The following SSU72L1 variants were observed in gnomAD, a reference collection of about 807,000 sequenced individuals.
SSU72L1 encodes SSU72 like 1.
chr11:4,339,333 C>G, the SSU72L1 span: 3 of 523,286 alleles, frequency 5.7e-6, no homozygotes, highest in African/African-American at 3.9e-5. Flanking sequence ...ATATCCAGGT[C>G]TTCCAAACGA....
chr11:4,338,663 G>A, the SSU72L1 span: 1 of 610,096 alleles, frequency 1.6e-6, no homozygotes, highest in East Asian at 2.7e-5. Flanking sequence ...CAGGTGTTCA[G>A]TAGAAGCAGA....
chr11:4,339,317 C>T, the SSU72L1 span: 3 of 535,062 alleles, frequency 5.6e-6, no homozygotes, highest in Non-Finnish European at 1.0e-5. Flanking sequence ...GAGGAGACGA[C>T]CACCTATATC....
the SSU72L1 span, chr11:4,338,733 T>C: frequency 0.02 from 14,724 of 745,624 alleles, 2 homozygotes; most frequent in Non-Finnish European, 0.023. Context: ...CTCTTCCAGA[T>C]TGTCTTCCAT....
the SSU72L1 span, chr11:4,338,572 T>C: frequency 2.1e-5 from 12 of 580,734 alleles, 1 homozygote; most frequent in Admixed American, 6.0e-5. Flanking sequence ...CAGTGGAAGG[T>C]CTTTGCAGAT....
the SSU72L1 span, chr11:4,338,643 A>T: frequency 7.0e-6 from 4 of 575,328 alleles, no homozygotes; most frequent in Non-Finnish European, 1.3e-5. Flanking sequence ...GGAAGGGGAC[A>T]AAGCCAGCCC....
At chr11:4,338,558 T>C in the SSU72L1 span, 5 of 576,494 alleles carry the variant, frequency 8.7e-6, no homozygotes, top group Admixed American at 1.6e-4. Context: ...ACACAAACAG[T>C]ACTCAGTGGA....
chr11:4,338,710 T>C, the SSU72L1 span: 1 of 738,394 alleles, frequency 1.4e-6, no homozygotes, highest in Non-Finnish European at 2.5e-6. Context: ...TTCTCCTCCA[T>C]TTGCAACAGC....
chr11:4,338,646 G>A, the SSU72L1 span: 1 of 577,048 alleles, frequency 1.7e-6, no homozygotes, highest in Admixed American at 2.7e-5. Flanking sequence ...AGGGGACAAA[G>A]CCAGCCCAGG....
the SSU72L1 span, chr11:4,338,528 AG>A: frequency 1.8e-6 from 1 of 555,318 alleles, no homozygotes. Context: ...GTCTCTTTCC[AG>A]GTGATGTGTA....
chr11:4,338,407 G>A, the SSU72L1 span, among the ~76,000 whole-genome samples: 1 of 152,044 alleles, frequency 6.6e-6, no homozygotes, highest in Non-Finnish European at 1.5e-5. Context: ...AATGATATAA[G>A]CATGAAATTA....
chr11:4,338,650 G>C, the SSU72L1 span: 2 of 584,448 alleles, frequency 3.4e-6, no homozygotes, highest in Non-Finnish European at 6.2e-6. Context: ...GACAAAGCCA[G>C]CCCAGGTGTT....
chr11:4,338,709 A>C, the SSU72L1 span: 1 of 737,432 alleles, frequency 1.4e-6, no homozygotes, highest in Non-Finnish European at 2.5e-6. Flanking sequence ...CTTCTCCTCC[A>C]TTTGCAACAG....
chr11:4,338,441 C>T, the SSU72L1 span, among the ~76,000 whole-genome samples: 16,216 of 135,228 alleles, frequency 0.12, 5 homozygotes, highest in East Asian at 0.18. Flanking sequence ...ATGCACCTAG[C>T]ACAATGCCAA....
At chr11:4,338,470 A>T in the SSU72L1 span, among the ~76,000 whole-genome samples, 1 of 152,230 alleles carries the variant, frequency 6.6e-6, no homozygotes, top group African/African-American at 2.4e-5. Flanking sequence ...CAGTGCTTTT[A>T]AAAATGTTAG....
the SSU72L1 span, chr11:4,338,651 C>T: frequency 1.7e-6 from 1 of 584,162 alleles, no homozygotes; most frequent in East Asian, 2.7e-5. Flanking sequence ...ACAAAGCCAG[C>T]CCAGGTGTTC....
the SSU72L1 span, among the ~76,000 whole-genome samples, chr11:4,338,354 C>A: frequency 2.0e-4 from 31 of 151,266 alleles, no homozygotes; most frequent in African/African-American, 6.3e-4. Flanking sequence ...GCTCGGTTTG[C>A]TCATCTGGAA....
At chr11:4,338,722 G>C in the SSU72L1 span, 1 of 747,862 alleles carries the variant, frequency 1.3e-6, no homozygotes, top group Non-Finnish European at 2.4e-6. Context: ...TGCAACAGCA[G>C]CTCTTCCAGA....
the SSU72L1 span, chr11:4,338,639 G>T: frequency 5.2e-6 from 3 of 573,266 alleles, 1 homozygote; most frequent in African/African-American, 4.0e-5. Context: ...CTGAGGAAGG[G>T]GACAAAGCCA....
chr11:4,338,700 T>G, the SSU72L1 span: 1 of 721,722 alleles, frequency 1.4e-6, no homozygotes, highest in East Asian at 2.5e-5. Context: ...TTTTCCTGCC[T>G]TCTCCTCCAT....
Sources: gnomAD v4.1 joint callset for allele counts (sites outside exome capture counted in the v4.1 genomes callset) on GRCh38, gnomAD v4.1.1 for gene constraint, MANE v1.5 for transcripts, NCBI Gene and HGNC (gene_info 2026-07-23, HGNC 2026-07-21) for gene names.